The following EPS15L1 variants were observed in gnomAD, a reference collection of about 807,000 sequenced individuals.
The protein encoded by EPS15L1 is epidermal growth factor receptor substrate 15-like 1.
Under a neutral mutation model 117.1 loss-of-function variants are expected in EPS15L1, and 43 were observed. That is an observed-to-expected ratio of 0.37 (90% CI 0.29 to 0.47). The LOEUF is 0.47. EPS15L1 is among the 20% of genes least tolerant of loss of function. The pLI, the probability that EPS15L1 is intolerant of heterozygous loss-of-function variation, is 0.99. For missense variants in EPS15L1, 981 were observed against 1,164.0 expected (o/e 0.84, Z 2.29); for synonymous variants, 459 against 470.5 (o/e 0.98, Z 0.32).
chr19:16,413,613 G>GAAAAA, intron 13 of EPS15L1, 160 bp downstream of exon 13: 25 of 618,768 alleles, frequency 4.0e-5, no homozygotes, highest in South Asian at 2.9e-4. Flanking sequence ...AATTCAGCCT[G>GAAAAA]AAAAAAAAAA....
chr19:16,367,337 CA>C (rs1179357166), intron 22 of EPS15L1, among the ~76,000 whole-genome samples: 2 of 151,670 alleles, frequency 1.3e-5, no homozygotes, highest in African/African-American at 2.4e-5. Context: ...ACTTCATTAA[CA>C]GGGGGCAAGG....
intron 7 of EPS15L1, among the ~76,000 whole-genome samples, chr19:16,433,526 T>C (rs1407401759): frequency 6.6e-6 from 1 of 151,790 alleles, no homozygotes; most frequent in Non-Finnish European, 1.5e-5. Context: ...AGAAAAAGAG[T>C]AATTAATAGT....
intron 16 of EPS15L1, among the ~76,000 whole-genome samples, chr19:16,400,074 C>T (rs1003004434): frequency 3.3e-5 from 5 of 152,144 alleles, no homozygotes; most frequent in African/African-American, 4.8e-5. Flanking sequence ...AGGTGGCTCA[C>T]GCCTGTAATC....
At chr19:16,406,867 T>A (rs988618860) in intron 13 of EPS15L1, among the ~76,000 whole-genome samples, 12 of 152,130 alleles carry the variant, frequency 7.9e-5, no homozygotes, top group Admixed American at 3.9e-4. Flanking sequence ...CCCAAGATGA[T>A]GGTATTAGGT....
At chr19:16,379,557 A>G (rs2092336915) in intron 21 of EPS15L1, among the ~76,000 whole-genome samples, 1 of 152,258 alleles carries the variant, frequency 6.6e-6, no homozygotes. Context: ...TCTTAGAGGT[A>G]TGGCTGCCTC....
rs2092120372 is a variant in EPS15L1, at chr19:16,365,419, A to T, written c.2381-3435T>A. On this transcript the variant is annotated intron_variant, in intron 22 of 23. Coordinates refer to ENST00000455140, the MANE Select transcript of EPS15L1 (RefSeq NM_001258374.3). The surrounding 1 kb of genome is among the most constrained non-coding windows in gnomAD (Gnocchi z 4.9). ...TAGGACACAGATCTACACACAGAAC[A>T]GCAATGTGAAGATGCACCAGGCCAA... Among the ~76,000 whole-genome samples the T allele has an allele frequency of 6.6e-6, 1 of 152,256 alleles. No homozygotes were observed. The highest frequency in any genetic ancestry group is 1.5e-5 in the Non-Finnish European group (1 of 68,034).
chr19:16,423,851 G>C (rs1213872333), intron 9 of EPS15L1, among the ~76,000 whole-genome samples: 1 of 152,170 alleles, frequency 6.6e-6, no homozygotes, highest in Non-Finnish European at 1.5e-5. Context: ...AGAAACAAGG[G>C]GGGTTCTGTG....
Position 16,377,215 on chromosome 19 carries a change from C to T in EPS15L1, c.2287G>A (p.Ala763Thr), listed in dbSNP as rs1435774065. Reference protein sequence around the residue: ...SGPFTSSLGGAGFSDDPFKSK... With the variant: ...SGPFTSSLGGTGFSDDPFKSK... The stretch of plus-strand genomic sequence containing the variant: ...TTAAAGGGGTCATCTGAGAATCCTG[C>T]CCCTCCCAAGGAGGAGGTGAAAGGG... The change falls in exon 22 of 24, where the codon GCA (alanine) becomes ACA (threonine). Residue 763 changes from alanine to threonine, a missense_variant. Around this residue, in one of 5 missense-constraint regions of EPS15L1, gnomAD observed 819 missense variants for 949.0 expected, o/e 0.86. Transcript: ENST00000455140. The T allele has an allele frequency of 8.1e-6, 13 of 1,612,588 alleles. No individual in the cohort carries two copies. The highest frequency in any genetic ancestry group is 2.7e-5 in the African/African-American group (2 of 74,852).
chr19:16,386,250 G>GA lies in EPS15L1; in HGVS notation c.2104-20dup. 1 of 1,604,294 alleles carries GA rather than the reference G, an allele frequency of 6.2e-7. No individual in the cohort carries two copies. Among genetic ancestry groups the GA allele is most frequent in the South Asian group, 1.1e-5 (1 of 89,992 alleles). ...GGTCGAGCTAAATGAAAGGAGAGAGGAAAGAGTAAAAAGCAGTTCGTTGGT... is the reference window on the plus strand; with the variant it reads ...GGTCGAGCTAAATGAAAGGAGAGAGGAAAAGAGTAAAAAGCAGTTCGTTGGT... On this transcript the variant is annotated intron_variant, in intron 19 of 23. Coordinates refer to ENST00000455140, the MANE Select transcript of EPS15L1 (RefSeq NM_001258374.3).
intron 3 of EPS15L1, chr19:16,441,395 C>T (rs930928584): frequency 1.3e-4 from 25 of 193,418 alleles, no homozygotes; most frequent in Non-Finnish European, 2.7e-4. Context: ...TGGCGTGAAC[C>T]CAGAAGGTGG....
intron 1 of EPS15L1, among the ~76,000 whole-genome samples, chr19:16,447,531 G>C (rs2093095951): frequency 1.3e-5 from 2 of 152,048 alleles, no homozygotes; most frequent in Non-Finnish European, 2.9e-5. Flanking sequence ...AGGCCAAGGT[G>C]GGTGAATCAC....
At chr19:16,466,906 A>C (rs1310526150) in intron 1 of EPS15L1, among the ~76,000 whole-genome samples, 1 of 150,594 alleles carries the variant, frequency 6.6e-6, no homozygotes, top group Non-Finnish European at 1.5e-5. Flanking sequence ...TCTGTCTCAA[A>C]AAAAAAAAAA....
chr19:16,438,213 C>T (rs1267536060), intron 4 of EPS15L1, among the ~76,000 whole-genome samples: 1 of 151,996 alleles, frequency 6.6e-6, no homozygotes, highest in Non-Finnish European at 1.5e-5. Flanking sequence ...ATCAGCCAGG[C>T]GTGGTGGCAG....
rs757148309 is a variant in EPS15L1 at position 16,413,761 on chromosome 19, C to T, written c.1266+12G>A. On this transcript the variant is annotated intron_variant, in intron 13 of 23. Coordinates refer to ENST00000455140, the MANE Select transcript of EPS15L1 (RefSeq NM_001258374.3). ...ACAAAGTAGATGTAACCAAAACGAA[C>T]GAGACCCTTACCTGCACCTCGCTGG... 5 of 1,612,164 alleles carry T rather than the reference C, an allele frequency of 3.1e-6. No individual in the cohort carries two copies. The highest frequency in any genetic ancestry group is 1.3e-5 in the African/African-American group (1 of 75,004).
rs1250983491 is a variant in EPS15L1 at position 16,355,666 on chromosome 19, ACCCGCCCGTG to A, written c.*29_*38del. The A allele has an allele frequency of 1.3e-6, 2 of 1,523,886 alleles. No individual in the cohort carries two copies. The highest frequency in any genetic ancestry group is 2.4e-5 in the South Asian group (2 of 83,202). The allele number at this position is 1,523,886 out of a possible 1,614,324, so 94.4% of individuals were successfully genotyped here. A position where few individuals can be genotyped will look rare whatever the true frequency, so the allele number is the denominator to read the frequency against. On this transcript the variant is annotated 3_prime_UTR_variant, in exon 24 of 24. Coordinates refer to ENST00000455140, the MANE Select transcript of EPS15L1 (RefSeq NM_001258374.3). ...ACATCTGCACTGCCCCCTCTCTGGAACCCGCCCGTGCCCTGTCCCGCCTACACACGGCCCT... is the reference window on the plus strand; with the variant it reads ...ACATCTGCACTGCCCCCTCTCTGGAACCCTGTCCCGCCTACACACGGCCCT...
At chr19:16,446,848 G>T (rs1269958337) in intron 1 of EPS15L1, among the ~76,000 whole-genome samples, 1 of 152,198 alleles carries the variant, frequency 6.6e-6, no homozygotes, top group East Asian at 1.9e-4. Context: ...TTGAAAGCCA[G>T]TGTTTTCGAT....
chr19:16,360,167 G>C (rs1305880388), intron 23 of EPS15L1, among the ~76,000 whole-genome samples: 1 of 151,612 alleles, frequency 6.6e-6, no homozygotes, highest in Non-Finnish European at 1.5e-5. Context: ...ATTTCTTCAA[G>C]CTGCCGTTCA....
At chr19:16,415,659 C>G (rs1308967889) in intron 12 of EPS15L1, among the ~76,000 whole-genome samples, 1 of 152,240 alleles carries the variant, frequency 6.6e-6, no homozygotes, top group East Asian at 1.9e-4. Context: ...TCAGAGCCAC[C>G]TGCTCAAGGG....
At chr19:16,362,652 G>C (rs2092073845) in intron 22 of EPS15L1, among the ~76,000 whole-genome samples, 1 of 151,058 alleles carries the variant, frequency 6.6e-6, no homozygotes, top group Non-Finnish European at 1.5e-5. Context: ...GCCTCCTACA[G>C]GCATGAGCCA....
Sources: allele counts gnomAD v4.1 joint callset (sites outside exome capture counted in the v4.1 genomes callset), GRCh38; gene constraint gnomAD v4.1.1; regional missense constraint gnomAD v4.1.1; non-coding constraint Gnocchi (gnomAD v3.1); transcripts MANE v1.5; gene names NCBI Gene and HGNC (gene_info 2026-07-23, HGNC 2026-07-21).